The following HNRNPUL1 variants were observed in gnomAD, a reference collection of about 807,000 sequenced individuals.
The protein encoded by HNRNPUL1 is heterogeneous nuclear ribonucleoprotein U like 1, also known as heterogeneous nuclear ribonucleoprotein U-like protein 1.
In HNRNPUL1, 14 loss-of-function variants were observed where a neutral mutation model predicts 108.5. The ratio of observed to expected loss-of-function variants is 0.13; its 90% CI spans 0.09 to 0.20. The LOEUF is 0.20. Among genes scored for constraint, HNRNPUL1 ranks in the 10% least tolerant of loss-of-function variants. HNRNPUL1 has a pLI of 1.00. For missense variants in HNRNPUL1, 804 were observed against 1,168.3 expected (o/e 0.69, Z 4.55); for synonymous variants, 422 against 445.2 (o/e 0.95, Z 0.66).
At chr19:41,290,677 C>CT (rs976715403) in intron 7 of HNRNPUL1, among the ~76,000 whole-genome samples, 1 of 152,162 alleles carries the variant, frequency 6.6e-6, no homozygotes, top group Admixed American at 6.5e-5. Flanking sequence ...CCCCGCCCCC[C>CT]TTTTTTTGAT....
intron 6 of HNRNPUL1, 45 bp from the exon 7 acceptor site, chr19:41,281,118 T>C (rs377049768): frequency 3.1e-5 from 39 of 1,240,236 alleles, no homozygotes; most frequent in Admixed American, 5.1e-5. Context: ...GAGGCTGTTA[T>C]GACCATCGCA....
At chr19:41,287,359 T>C (rs2036295395) in intron 7 of HNRNPUL1, among the ~76,000 whole-genome samples, 1 of 152,164 alleles carries the variant, frequency 6.6e-6, no homozygotes, top group African/African-American at 2.4e-5. Flanking sequence ...TTATTAAATT[T>C]AAAACTTGAT....
chr19:41,287,343 G>C (rs893142026), intron 7 of HNRNPUL1, among the ~76,000 whole-genome samples: 7 of 152,084 alleles, frequency 4.6e-5, no homozygotes, highest in Admixed American at 2.0e-4. Context: ...ATTAATGACA[G>C]TAAAGTTATT....
intron 2 of HNRNPUL1, among the ~76,000 whole-genome samples, chr19:41,269,265 A>G (rs1372124632): frequency 6.6e-6 from 1 of 152,132 alleles, no homozygotes; most frequent in East Asian, 1.9e-4. Flanking sequence ...CAGGAGTTCC[A>G]GACCAGACTG....
At position 41,264,712 on chromosome 19, in the gene HNRNPUL1, C is replaced by A. The variant is rs2034701852; in HGVS notation, c.209C>A (p.Ser70Tyr). The change falls in exon 1 of 15, where the codon TCC becomes TAC. Residue 70 changes from serine to tyrosine, a missense_variant. Physicochemically the swap from Ser to Tyr is moderately radical, Grantham distance 144. Transcript: ENST00000392006. ...INEEVETEGG[S>Y]ELEGTAQPPP... Reference sequence around the variant, plus strand: ...GAGGAGGTCGAGACCGAGGGGGGCTCCGAGCTGGAGGGGACCGCGCAGCCA... The same window carrying A: ...GAGGAGGTCGAGACCGAGGGGGGCTACGAGCTGGAGGGGACCGCGCAGCCA... The A allele has an allele frequency of 1.3e-6, 2 of 1,527,520 alleles. No homozygotes were observed. Among genetic ancestry groups the A allele is most frequent in the East Asian group, 5.0e-5 (2 of 40,068 alleles). 94.6% of individuals were successfully genotyped at this position (1,527,520 alleles called of 1,614,324 possible). A position where few individuals can be genotyped will look rare whatever the true frequency, so the allele number is the denominator to read the frequency against.
chr19:41,264,053 G>A (rs1440824580), upstream of HNRNPUL1, among the ~76,000 whole-genome samples: 1 of 152,208 alleles, frequency 6.6e-6, no homozygotes, highest in Non-Finnish European at 1.5e-5. Context: ...CACTCATTCT[G>A]AGATCTTACC....
chr19:41,271,477 T>C, intron 2 of HNRNPUL1, among the ~76,000 whole-genome samples: 1 of 152,106 alleles, frequency 6.6e-6, no homozygotes, highest in Non-Finnish European at 1.5e-5. Flanking sequence ...GGTCTGGGGT[T>C]GAATGCAGAA....
In HNRNPUL1 at chr19:41,289,986, C is replaced by T. The variant is rs959191057; in HGVS notation, c.1000-2259C>T. Among the ~76,000 whole-genome samples, 20 of 152,102 alleles carry T rather than the reference C, an allele frequency of 1.3e-4. 1 individual carries two copies. Among genetic ancestry groups the T allele is most frequent in the African/African-American group, 4.8e-4 (20 of 41,394 alleles). The stretch of plus-strand genomic sequence containing the variant: ...TCGGCCTCCCAAAATGCTGGGATTA[C>T]AGGCGTGAACCACCACATCCAGCCG... On this transcript the variant is annotated intron_variant, in intron 7 of 14. Transcript: ENST00000392006.
At chr19:41,276,417 T>C (rs1048674379) in intron 5 of HNRNPUL1, 119 bp downstream of exon 5, 2 of 1,107,686 alleles carry the variant, frequency 1.8e-6, no homozygotes, top group Non-Finnish European at 2.5e-6. Flanking sequence ...CAATACCATG[T>C]CCAAGCAGAC....
chr19:41,303,034 A>G lies in HNRNPUL1; in HGVS notation c.1972+85A>G, dbSNP rs562269908. ...GACTGCTTATTCAATCAGCAACTGA[A>G]GTTTTCTGAGCTCCAGCTGTGAGTT... On this transcript the variant is annotated intron_variant, in intron 12 of 14. Transcript: ENST00000392006. 1,680 of 1,405,008 alleles carry G rather than the reference A, an allele frequency of 1.2e-3. 3 individuals carry two copies. The highest frequency in any genetic ancestry group is 1.4e-3 in the Admixed American group (58 of 41,696). 87.0% of individuals were successfully genotyped at this position (1,405,008 alleles called of 1,614,324 possible).
Position 41,264,455 on chromosome 19 carries a change from G to A in HNRNPUL1, c.-49G>A, listed in dbSNP as rs200257089. On this transcript the variant is annotated 5_prime_UTR_variant, in exon 1 of 15. Transcript: ENST00000392006. ...ACAGGAAAGGTTTAAGGGGGACAGA[G>A]CCCTGGGAGGCCGGGCCGGGCTCGG... 1.5e-6 allele frequency: 2 copies of A among 1,334,660 alleles called. No individual in the cohort carries two copies. Among genetic ancestry groups the A allele is most frequent in the Non-Finnish European group, 1.9e-6 (2 of 1,039,788 alleles). 82.7% of individuals were successfully genotyped at this position (1,334,660 alleles called of 1,614,324 possible). A position where few individuals can be genotyped will look rare whatever the true frequency, so the allele number is the denominator to read the frequency against.
intron 10 of HNRNPUL1, among the ~76,000 whole-genome samples, chr19:41,299,229 G>C (rs1425188805): frequency 6.6e-6 from 1 of 152,162 alleles, no homozygotes; most frequent in East Asian, 1.9e-4. Flanking sequence ...TCACCCACAT[G>C]ACTGCCCACA....
At chr19:41,265,444 G>C (rs2034772049) in intron 1 of HNRNPUL1, 2 of 1,385,312 alleles carry the variant, frequency 1.4e-6, no homozygotes, top group Admixed American at 5.4e-5. Flanking sequence ...GCATTTAGGG[G>C]CTGCGGGAGA....
chr19:41,288,081 A>T (rs544641386), intron 7 of HNRNPUL1, among the ~76,000 whole-genome samples: 1 of 152,094 alleles, frequency 6.6e-6, no homozygotes, highest in African/African-American at 2.4e-5. Context: ...CCAAAAAAAA[A>T]TCGAGGAATG....
chr19:41,295,502 C>T (rs977426538), intron 10 of HNRNPUL1, among the ~76,000 whole-genome samples: 1 of 152,208 alleles, frequency 6.6e-6, no homozygotes, highest in East Asian at 1.9e-4. Context: ...GCCTATGCAA[C>T]GTCATTGCCT....
intron 14 of HNRNPUL1, among the ~76,000 whole-genome samples, chr19:41,306,178 C>G (rs1402659360): frequency 6.6e-6 from 1 of 152,176 alleles, no homozygotes; most frequent in Non-Finnish European, 1.5e-5. Flanking sequence ...GGTGCCCAGG[C>G]CCCCATACCT....
intron 3 of HNRNPUL1, 121 bp from the exon 4 acceptor site, chr19:41,273,857 TGGAA>T: frequency 1.4e-6 from 1 of 724,592 alleles, no homozygotes; most frequent in Non-Finnish European, 2.3e-6. Flanking sequence ...CCCACCTCTG[TGGAA>T]GGAAATGGAG....
At position 41,290,671 on chromosome 19, in the gene HNRNPUL1, G is replaced by A. The variant is rs140241791; in HGVS notation, c.1000-1574G>A. On this transcript the variant is annotated intron_variant, in intron 7 of 14. Transcript: ENST00000392006. ...AGGCTGTATAAAATATTATTACCCC[G>A]CCCCCCTTTTTTTGATAAAGAAACA... Among the ~76,000 whole-genome samples the A allele has an allele frequency of 4.7e-4, 71 of 152,068 alleles. No homozygotes were observed. In the Middle Eastern group the frequency reaches 0.014, roughly 29 times the overall value.
intron 7 of HNRNPUL1, among the ~76,000 whole-genome samples, chr19:41,287,532 C>A (rs1235002316): frequency 6.6e-6 from 1 of 151,958 alleles, no homozygotes; most frequent in Non-Finnish European, 1.5e-5. Flanking sequence ...GTTTCTCAGC[C>A]TTTTTTTGCA....
Sources: gnomAD v4.1 joint callset for allele counts (sites outside exome capture counted in the v4.1 genomes callset) on GRCh38, gnomAD v4.1.1 for gene constraint, MANE v1.5 for transcripts, NCBI Gene and HGNC (gene_info 2026-07-23, HGNC 2026-07-21) for gene names.